The following LRFN2 variants were observed in gnomAD, a reference collection of about 807,000 sequenced individuals.
LRFN2 encodes the protein leucine rich repeat and fibronectin type III domain containing 2, also known as leucine-rich repeat and fibronectin type-III domain-containing protein 2.
LRFN2 carries 18 observed loss-of-function variants against 37.3 expected under a neutral mutation model. That is an observed-to-expected ratio of 0.48 (90% CI 0.33 to 0.72). The LOEUF (loss-of-function observed/expected upper bound fraction) is 0.72. Ranked by LOEUF, LRFN2 falls within the 30% of genes least tolerant of loss-of-function variation. The pLI is 0.02. For missense variants in LRFN2, 1,006 were observed against 1,060.7 expected (o/e 0.95, Z 0.72); for synonymous variants, 556 against 466.6 (o/e 1.19, Z -2.47).
intron 2 of LRFN2, among the ~76,000 whole-genome samples, chr6:40,413,041 G>A (rs1184694307): frequency 6.6e-6 from 1 of 152,094 alleles, no homozygotes; most frequent in Non-Finnish European, 1.5e-5. Flanking sequence ...AGCACCGTTT[G>A]GGGTCTCTGG....
intron 1 of LRFN2, among the ~76,000 whole-genome samples, chr6:40,479,893 TG>T (rs1003996189): frequency 2.0e-5 from 3 of 152,240 alleles, no homozygotes; most frequent in African/African-American, 7.2e-5. Flanking sequence ...GAAATAAGTT[TG>T]GAAAAAATAA....
At chr6:40,524,313 T>A (rs392641) in intron 1 of LRFN2, among the ~76,000 whole-genome samples, 1 of 150,860 alleles carries the variant, frequency 6.6e-6, no homozygotes, top group African/African-American at 2.4e-5. Flanking sequence ...ACAGATCACC[T>A]GGATGCCTGC....
At chr6:40,531,944 G>A (rs1766352383) in intron 1 of LRFN2, among the ~76,000 whole-genome samples, 1 of 152,208 alleles carries the variant, frequency 6.6e-6, no homozygotes. Context: ...GCTGGGATCT[G>A]TGAACATCTT....
At position 40,494,879 on chromosome 6, in the gene LRFN2, C is replaced by T. The variant is rs545064441; in HGVS notation, c.-18-61748G>A. 2.6e-5 allele frequency among the ~76,000 whole-genome samples: 4 copies of T among 152,322 alleles called. No homozygotes were observed. The South Asian group carries it at 6.2e-4, about 24-fold the overall frequency. Reference sequence around the variant, plus strand: ...GTTCTTATTTTCTTCTATTACTCAGCCCAGAGTTCATAGACCAACCCAAAA... The same window carrying T: ...GTTCTTATTTTCTTCTATTACTCAGTCCAGAGTTCATAGACCAACCCAAAA... On this transcript the variant is annotated intron_variant, in intron 1 of 2. Transcript: ENST00000338305.
At chr6:40,456,463 C>T (rs535054883) in intron 1 of LRFN2, among the ~76,000 whole-genome samples, 1 of 152,332 alleles carries the variant, frequency 6.6e-6, no homozygotes, top group South Asian at 2.1e-4. Context: ...AAGTAGCCTA[C>T]TCTGTAGCTA....
chr6:40,576,734 G>C (rs181886194), intron 1 of LRFN2, among the ~76,000 whole-genome samples: 47 of 152,314 alleles, frequency 3.1e-4, no homozygotes, highest in African/African-American at 9.9e-4. Context: ...CCCCAAGAGA[G>C]AGACACTGAG....
At chr6:40,440,139 A>G (rs1763797760) in intron 1 of LRFN2, among the ~76,000 whole-genome samples, 1 of 152,104 alleles carries the variant, frequency 6.6e-6, no homozygotes, top group African/African-American at 2.4e-5. Context: ...GGAAAAAAAA[A>G]AGGCAAAATA....
chr6:40,569,532 C>T (rs940505630), intron 1 of LRFN2, among the ~76,000 whole-genome samples: 5 of 152,168 alleles, frequency 3.3e-5, no homozygotes, highest in African/African-American at 1.2e-4. Context: ...GAGTGACACC[C>T]GTTTGGCATA....
intron 1 of LRFN2, among the ~76,000 whole-genome samples, chr6:40,571,273 G>A (rs1376531404): frequency 6.6e-6 from 1 of 152,230 alleles, no homozygotes; most frequent in African/African-American, 2.4e-5. Flanking sequence ...AACTGCAAGT[G>A]AGTTGAATGG....
intron 1 of LRFN2, among the ~76,000 whole-genome samples, chr6:40,435,165 G>C (rs539670266): frequency 6.8e-6 from 1 of 148,038 alleles, no homozygotes; most frequent in African/African-American, 2.5e-5. Context: ...GAGAGAGAGA[G>C]AGAGAGAGAG....
chr6:40,549,949 G>T (rs673688), intron 1 of LRFN2, among the ~76,000 whole-genome samples: 18,450 of 152,124 alleles, frequency 0.12, 1,382 homozygotes, highest in Non-Finnish European at 0.16. Flanking sequence ...CAGGAGATTC[G>T]CTTGAACCCA....
At chr6:40,535,374 G>A (rs533660489) in intron 1 of LRFN2, among the ~76,000 whole-genome samples, 2 of 152,300 alleles carry the variant, frequency 1.3e-5, no homozygotes, top group East Asian at 3.9e-4. Flanking sequence ...CCTGGGGAGA[G>A]CTTAGAGCAG....
At chr6:40,447,556 T>G (rs1469160296) in intron 1 of LRFN2, among the ~76,000 whole-genome samples, 1 of 152,186 alleles carries the variant, frequency 6.6e-6, no homozygotes, top group Non-Finnish European at 1.5e-5. Context: ...GGTGAAAGAC[T>G]TGACTTTGCT....
intron 1 of LRFN2, among the ~76,000 whole-genome samples, chr6:40,537,396 G>A (rs753309409): frequency 4.6e-5 from 7 of 152,132 alleles, no homozygotes; most frequent in African/African-American, 1.4e-4. Context: ...CAGGTTCTGC[G>A]TGTGCCCCCA....
chr6:40,517,407 C>A (rs954962464), intron 1 of LRFN2: 19 of 152,198 alleles, frequency 1.2e-4, no homozygotes, highest in Admixed American at 3.3e-4. Context: ...TCTTAAAATG[C>A]ACACCTTTCC....
At chr6:40,441,733 G>T (rs762155682) in intron 1 of LRFN2, among the ~76,000 whole-genome samples, 3 of 152,154 alleles carry the variant, frequency 2.0e-5, no homozygotes, top group Non-Finnish European at 4.4e-5. Context: ...CAGCCTACAG[G>T]TGTGAGTACG....
At position 40,463,029 on chromosome 6, in the gene LRFN2, C is replaced by T. The variant is rs532673930; in HGVS notation, c.-18-29898G>A. On this transcript the variant is annotated intron_variant, in intron 1 of 2. Coordinates refer to ENST00000338305, the MANE Select transcript of LRFN2 (RefSeq NM_020737.3). ...AAGTGTCCTTAAAGGAAGGGTTGAGCTCTTCCCTCATCTCCTTCCTGCTGG... is the reference window on the plus strand; with the variant it reads ...AAGTGTCCTTAAAGGAAGGGTTGAGTTCTTCCCTCATCTCCTTCCTGCTGG... 1.8e-4 allele frequency among the ~76,000 whole-genome samples: 27 copies of T among 152,322 alleles called. 2 individuals are homozygous for T. In the South Asian group the frequency reaches 5.6e-3, roughly 32 times the overall value.
At chr6:40,412,035 C>G (rs1762980361) in intron 2 of LRFN2, among the ~76,000 whole-genome samples, 2 of 152,200 alleles carry the variant, frequency 1.3e-5, no homozygotes, top group African/African-American at 4.8e-5. Flanking sequence ...CCATCCAGGT[C>G]ATAGGGCTGC....
intron 1 of LRFN2, among the ~76,000 whole-genome samples, chr6:40,583,974 G>A (rs1468277936): frequency 6.6e-6 from 1 of 152,214 alleles, no homozygotes; most frequent in African/African-American, 2.4e-5. Flanking sequence ...CTGAGCAAAT[G>A]TGCATGGCCA....
Sources: allele counts gnomAD v4.1 joint callset (sites outside exome capture counted in the v4.1 genomes callset), GRCh38; gene constraint gnomAD v4.1.1; transcripts MANE v1.5; gene names NCBI Gene and HGNC (gene_info 2026-07-23, HGNC 2026-07-21).